WTAP: variants seen among roughly 807,000 people sequenced by gnomAD.
WTAP encodes the protein WT1 associated protein.
Under a neutral mutation model 50.0 loss-of-function variants are expected in WTAP, and 8 were observed. The observed-to-expected ratio is 0.16, with a 90% CI of 0.09 to 0.29. The LOEUF (loss-of-function observed/expected upper bound fraction) is 0.29, where lower values mean the gene tolerates loss of function less well. Among genes scored for constraint, WTAP ranks in the 10% least tolerant of loss-of-function variants. The pLI is 1.00. For synonymous variants in WTAP, 194 were observed against 169.0 expected (o/e 1.15, Z -1.15); for missense variants, 295 against 470.7 (o/e 0.63, Z 3.45).
intron 1 of WTAP, among the ~76,000 whole-genome samples, 163 bp downstream of exon 1, chr6:159,727,866 G>A (rs1009467673): frequency 1.3e-5 from 2 of 152,336 alleles, no homozygotes; most frequent in South Asian, 4.1e-4. Context: ...TCCCGCCTGC[G>A]GGGAACACTT....
chr6:159,733,776 C>T (rs1020329652), intron 1 of WTAP, among the ~76,000 whole-genome samples: 4 of 151,256 alleles, frequency 2.6e-5, no homozygotes, highest in Non-Finnish European at 4.4e-5. Context: ...GTTAGCCGGG[C>T]GTGGTGGCGC....
At chr6:159,728,789 G>A (rs1468559805) in intron 1 of WTAP, among the ~76,000 whole-genome samples, 1 of 152,214 alleles carries the variant, frequency 6.6e-6, no homozygotes, top group Non-Finnish European at 1.5e-5. Context: ...CATTTTAAGG[G>A]TTTGGGTAGG....
intron 3 of WTAP, among the ~76,000 whole-genome samples, chr6:159,740,611 C>T (rs149908777): frequency 2.0e-4 from 31 of 151,690 alleles, no homozygotes; most frequent in Admixed American, 1.7e-3. Context: ...TTGTAAGTGC[C>T]GTAAAAATAA....
At chr6:159,747,761 T>C (rs999837180) in intron 5 of WTAP, among the ~76,000 whole-genome samples, 1 of 152,210 alleles carries the variant, frequency 6.6e-6, no homozygotes, top group Non-Finnish European at 1.5e-5. Context: ...GCATTTTTAG[T>C]AAATATAATG....
chr6:159,733,872 C>T (rs1368040609), intron 1 of WTAP, among the ~76,000 whole-genome samples: 5 of 152,106 alleles, frequency 3.3e-5, no homozygotes, highest in African/African-American at 7.2e-5. Context: ...GCCGAGATCG[C>T]GCCGTTGCAC....
intron 2 of WTAP, among the ~76,000 whole-genome samples, chr6:159,738,724 C>G (rs1779065569): frequency 6.6e-6 from 1 of 151,978 alleles, no homozygotes; most frequent in Non-Finnish European, 1.5e-5. Context: ...GGTGTTGCCA[C>G]TAATTTTTAT....
Position 159,755,203 on chromosome 6 carries a change from A to G in WTAP, c.783A>G (p.Glu261=), listed in dbSNP as rs778635883. The change falls in exon 8 of 8, where the codon GAA becomes GAG. Residue 261 remains glutamate (E), a synonymous_variant. Transcript: ENST00000621533. The stretch of plus-strand genomic sequence containing the variant: ...GGACTACAGCTTCTGAACCTGTAGA[A>G]CAGTCAGAGGCCACAAGTAAAGACT... The part of the protein sequence containing the change: ...TSRTTASEPV[E]QSEATSKDCS... 6.2e-6 allele frequency: 10 copies of G among 1,614,206 alleles called. No individual in the cohort carries two copies. Among genetic ancestry groups the G allele is most frequent in the South Asian group, 1.1e-5 (1 of 91,088 alleles).
chr6:159,736,533 C>T (rs1296887046), intron 2 of WTAP: 3 of 386,012 alleles, frequency 7.8e-6, no homozygotes, highest in African/African-American at 6.2e-5. Flanking sequence ...TAATAATATT[C>T]CCATGGTCTA....
intron 2 of WTAP, chr6:159,736,667 T>C (rs1778937943): frequency 6.2e-6 from 1 of 161,370 alleles, no homozygotes; most frequent in African/African-American, 2.4e-5. Flanking sequence ...ATTATTCTTT[T>C]CCTAGTGTAA....
chr6:159,742,256 T>C, intron 4 of WTAP, 110 bp downstream of exon 4: 1 of 912,050 alleles, frequency 1.1e-6, no homozygotes, highest in Non-Finnish European at 1.7e-6. Context: ...CGTGTTTTAT[T>C]ATAAGAACTG....
chr6:159,754,475 C>CAT (rs1389782387), intron 7 of WTAP, among the ~76,000 whole-genome samples: 1 of 152,164 alleles, frequency 6.6e-6, no homozygotes, highest in Admixed American at 6.5e-5. Flanking sequence ...TGTAATCAGG[C>CAT]ATATGGCAAG....
intron 6 of WTAP, chr6:159,749,225 A>T (rs1340309186): frequency 1.0e-6 from 1 of 985,686 alleles, no homozygotes; most frequent in South Asian, 4.7e-5. Flanking sequence ...TCACAACTAG[A>T]TTGTATAAGG....
intron 2 of WTAP, chr6:159,736,635 A>C (rs913726630): frequency 5.4e-6 from 1 of 186,356 alleles, no homozygotes; most frequent in Non-Finnish European, 1.1e-5. Context: ...ATAATGTCAA[A>C]AATGGACATT....
chr6:159,748,151 C>T lies in WTAP; in HGVS notation c.274-40C>T. The T allele has an allele frequency of 1.9e-6, 3 of 1,576,118 alleles. No homozygotes were observed. The highest frequency in any genetic ancestry group is 2.6e-6 in the Non-Finnish European group (3 of 1,156,418). On this transcript the variant is annotated intron_variant, in intron 5 of 7. Coordinates refer to ENST00000621533, the MANE Select transcript of WTAP (RefSeq NM_001270531.2). The surrounding 1 kb of genome is among the most constrained non-coding windows in gnomAD (Gnocchi z 5.6). ...TTTCCCCACCTTCTTATGTATGTTT[C>T]CTTTGATTTGGTCGTAATTGTTTCT... is the stretch of plus-strand genomic sequence containing the variant.
chr6:159,755,140 G>C lies in WTAP; in HGVS notation c.720G>C (p.Gln240His). The C allele has an allele frequency of 6.2e-7, 1 of 1,614,132 alleles. No individual in the cohort carries two copies. Among genetic ancestry groups the C allele is most frequent in the East Asian group, 2.2e-5 (1 of 44,886 alleles). ...CACGCCAGCAGTTGGCTCAGTACCA[G>C]CAGCAGCAGTCTCAGGCCTCTGCCC... is the stretch of plus-strand genomic sequence containing the variant. ...KETRQQLAQY[Q>H]QQQSQASAPS... The change falls in exon 8 of 8, where the codon CAG (glutamine) becomes CAC (histidine). Residue 240 changes from glutamine to histidine, a missense_variant. Physicochemically the swap from Gln to His is conservative, Grantham distance 24. This residue lies in a region of WTAP where 120 missense variants were observed against 287.6 expected (regional missense o/e 0.42). Transcript: ENST00000621533.
At chr6:159,735,943 C>T (rs185999806) in intron 1 of WTAP, among the ~76,000 whole-genome samples, 1 of 152,142 alleles carries the variant, frequency 6.6e-6, no homozygotes, top group Non-Finnish European at 1.5e-5. Flanking sequence ...TCTCTTCACC[C>T]TTTATGGCGA....
At chr6:159,734,846 CT>C (rs369064240) in intron 1 of WTAP, among the ~76,000 whole-genome samples, 17 of 151,992 alleles carry the variant, frequency 1.1e-4, no homozygotes, top group South Asian at 2.1e-4. Context: ...ATGTCGTATA[CT>C]TTTTTTTCCA....
intron 2 of WTAP, 88 bp downstream of exon 2, chr6:159,736,383 G>C: frequency 9.6e-7 from 1 of 1,036,844 alleles, no homozygotes; most frequent in Non-Finnish European, 1.5e-6. Context: ...AGACTTGAAG[G>C]GATTATCGTT....
chr6:159,728,182 A>G (rs551266935), intron 1 of WTAP, among the ~76,000 whole-genome samples: 10 of 152,370 alleles, frequency 6.6e-5, no homozygotes, highest in African/African-American at 2.2e-4. Context: ...TTAAATGAGT[A>G]TAAGCATTCT....
Sources: gnomAD v4.1 joint callset for allele counts (sites outside exome capture counted in the v4.1 genomes callset) on GRCh38, gnomAD v4.1.1 for gene constraint, gnomAD v4.1.1 regional missense constraint, Gnocchi (gnomAD v3.1) non-coding constraint, MANE v1.5 for transcripts, NCBI Gene and HGNC (gene_info 2026-07-23, HGNC 2026-07-21) for gene names.